Variants in IQCJ observed in about 807,000 individuals in gnomAD.
IQCJ encodes the protein IQ motif containing J.
Under a neutral mutation model 11.0 loss-of-function variants are expected in IQCJ, and 9 were observed. The ratio of observed to expected loss-of-function variants is 0.82; its 90% confidence interval spans 0.49 to 1.43. IQCJ has a LOEUF of 1.43. IQCJ is among the 40% of genes most tolerant of loss of function. IQCJ has a pLI of 0.00. For missense variants in IQCJ, 146 were observed against 133.2 expected (o/e 1.10, Z -0.47); for synonymous variants, 55 against 51.3 (o/e 1.07, Z -0.31).
chr3:159,258,602 A>G (rs1318026980), intron 3 of IQCJ, among the ~76,000 whole-genome samples: 1 of 152,138 alleles, frequency 6.6e-6, no homozygotes, highest in African/African-American at 2.4e-5. Flanking sequence ...TTTCCAAGAT[A>G]CTCAGATTCA....
intron 1 of IQCJ, among the ~76,000 whole-genome samples, chr3:159,232,181 A>C (rs1384656798): frequency 1.3e-5 from 2 of 151,238 alleles, no homozygotes. Flanking sequence ...CTAGCTTTTG[A>C]ATTTGTTTGC....
intron 1 of IQCJ, among the ~76,000 whole-genome samples, chr3:159,150,917 T>C (rs1345726219): frequency 6.6e-6 from 1 of 152,194 alleles, no homozygotes; most frequent in Non-Finnish European, 1.5e-5. Context: ...GCTTTGATTT[T>C]CCATGAATGG....
intron 1 of IQCJ, among the ~76,000 whole-genome samples, chr3:159,083,996 T>A (rs978451180): frequency 6.6e-6 from 1 of 151,996 alleles, no homozygotes; most frequent in Non-Finnish European, 1.5e-5. Context: ...GTGGTAGTCG[T>A]TACATGAACC....
chr3:159,225,885 G>A (rs894102562), intron 1 of IQCJ, among the ~76,000 whole-genome samples: 6 of 152,088 alleles, frequency 3.9e-5, no homozygotes, highest in African/African-American at 1.4e-4. Flanking sequence ...TACAAACTGG[G>A]GATTCCCATG....
At chr3:159,249,448 A>C (rs1055776872) in intron 2 of IQCJ, among the ~76,000 whole-genome samples, 1 of 152,094 alleles carries the variant, frequency 6.6e-6, no homozygotes, top group Non-Finnish European at 1.5e-5. Flanking sequence ...GGAATTAAAT[A>C]CTTCCTTCAA....
chr3:159,134,659 A>G (rs1341564810), intron 1 of IQCJ, among the ~76,000 whole-genome samples: 1 of 152,120 alleles, frequency 6.6e-6, no homozygotes, highest in East Asian at 1.9e-4. Flanking sequence ...GATGACTAGC[A>G]TTTCTCTAAA....
chr3:159,167,229 T>G (rs912454109), intron 1 of IQCJ, among the ~76,000 whole-genome samples: 1 of 152,250 alleles, frequency 6.6e-6, no homozygotes, highest in Non-Finnish European at 1.5e-5. Flanking sequence ...TATAGCTTTT[T>G]ATAACATGAG....
At chr3:159,111,077 G>A (rs967189979) in intron 1 of IQCJ, among the ~76,000 whole-genome samples, 1 of 152,184 alleles carries the variant, frequency 6.6e-6, no homozygotes, top group Admixed American at 6.5e-5. Context: ...CTGGCTGCAG[G>A]CCTCCTGCTG....
intron 2 of IQCJ, among the ~76,000 whole-genome samples, chr3:159,246,900 A>G (rs1376998696): frequency 6.6e-6 from 1 of 152,202 alleles, no homozygotes; most frequent in Non-Finnish European, 1.5e-5. Context: ...TGTGACTCAG[A>G]TAAGGAAAAA....
intron 1 of IQCJ, among the ~76,000 whole-genome samples, chr3:159,210,130 G>A (rs1466253747): frequency 6.6e-6 from 1 of 152,144 alleles, no homozygotes; most frequent in African/African-American, 2.4e-5. Flanking sequence ...ACCAAGGGTG[G>A]CCGATGGGAA....
chr3:159,201,239 A>G (rs1425375998), intron 1 of IQCJ, among the ~76,000 whole-genome samples: 1 of 152,214 alleles, frequency 6.6e-6, no homozygotes, highest in Non-Finnish European at 1.5e-5. Context: ...CCATGTACAT[A>G]TGCCCACATA....
intron 1 of IQCJ, among the ~76,000 whole-genome samples, chr3:159,087,401 T>C (rs9758711): frequency 0.73 from 100,219 of 137,102 alleles, 36,880 homozygotes; most frequent in East Asian, 0.82. Flanking sequence ...TGTCTCTGCC[T>C]GGCTTTGGTA....
intron 1 of IQCJ, among the ~76,000 whole-genome samples, chr3:159,192,584 C>T (rs1016708650): frequency 6.6e-6 from 1 of 152,116 alleles, no homozygotes; most frequent in African/African-American, 2.4e-5. Flanking sequence ...GACAAAAGGA[C>T]CTGGTTTTTG....
At chr3:159,256,248 T>C (rs1183501921) in intron 3 of IQCJ, among the ~76,000 whole-genome samples, 1 of 152,200 alleles carries the variant, frequency 6.6e-6, no homozygotes, top group Non-Finnish European at 1.5e-5. Flanking sequence ...AAATTGCTTT[T>C]TTGAAAGTCA....
At position 159,226,661 on chromosome 3, in the gene IQCJ, A is replaced by G. The variant is rs11925459; in HGVS notation, c.10-19182A>G. Among the ~76,000 whole-genome samples, 381 of 152,292 alleles carry G rather than the reference A, an allele frequency of 2.5e-3. 1 individual carries two copies. The highest frequency in any genetic ancestry group is 0.01 in the Middle Eastern group (3 of 294). ...GAGTTTTAGAAATGGGTAAGACTAA[A>G]TAACATTTCAGGATGCCCAATTGGG... On this transcript the variant is annotated intron_variant, in intron 1 of 3. Coordinates refer to ENST00000397832, the MANE Select transcript of IQCJ (RefSeq NM_001042706.3).
chr3:159,114,413 C>T (rs536913446), intron 1 of IQCJ, among the ~76,000 whole-genome samples: 9 of 151,482 alleles, frequency 5.9e-5, no homozygotes, highest in East Asian at 2.0e-4. Flanking sequence ...CAGGTTCAAG[C>T]GATCCTCCTG....
chr3:159,263,628 G>A lies in IQCJ; in HGVS notation c.*897G>A. On this transcript the variant is annotated 3_prime_UTR_variant, in exon 4 of 4. Coordinates refer to ENST00000397832, the MANE Select transcript of IQCJ (RefSeq NM_001042706.3). ...TTTTTCTTTTACTTTTGGTTATCAT[G>A]TTTATTCTGTGGTAAAAAGGTTTCC... 1.0e-6 allele frequency: 1 copy of A among 985,202 alleles called. No individual in the cohort carries two copies. The highest frequency in any genetic ancestry group is 1.2e-6 in the Non-Finnish European group (1 of 829,782). The allele number at this position is 985,202 out of a possible 1,614,324, so 61.0% of individuals were successfully genotyped here.
intron 1 of IQCJ, among the ~76,000 whole-genome samples, chr3:159,144,992 C>T (rs889470627): frequency 4.6e-5 from 7 of 152,128 alleles, no homozygotes; most frequent in Admixed American, 4.6e-4. Flanking sequence ...TCATATTCTT[C>T]TTTTTCCTTT....
At chr3:159,069,586 G>C (rs1715400862) in intron 1 of IQCJ, 145 bp downstream of exon 1, 3 of 1,153,228 alleles carry the variant, frequency 2.6e-6, no homozygotes, top group Non-Finnish European at 3.6e-6. Flanking sequence ...CTTAATTATT[G>C]GTCTAGGTGC....
Sources: gnomAD v4.1 joint callset for allele counts (sites outside exome capture counted in the v4.1 genomes callset) on GRCh38, gnomAD v4.1.1 for gene constraint, MANE v1.5 for transcripts, NCBI Gene and HGNC (gene_info 2026-07-23, HGNC 2026-07-21) for gene names.